IRF5: variants seen among roughly 807,000 people sequenced by gnomAD.
The protein encoded by IRF5 is interferon regulatory factor 5.
A neutral mutation model predicts 55.1 loss-of-function variants in IRF5; 24 were observed. The observed-to-expected ratio is 0.44, with a 90% CI of 0.32 to 0.61. IRF5 has a LOEUF of 0.61. Among genes scored for constraint, IRF5 ranks in the 20% least tolerant of loss-of-function variants. The pLI, the probability that IRF5 is intolerant of heterozygous loss-of-function variation, is 0.07. For synonymous variants in IRF5, 258 were observed against 260.2 expected (o/e 0.99, Z 0.08); for missense variants, 499 against 658.5 (o/e 0.76, Z 2.65).
At chr7:128,937,455 GCA>G, upstream of IRF5, among the ~76,000 whole-genome samples, 1 of 152,196 alleles carries the variant, frequency 6.6e-6, no homozygotes, top group Non-Finnish European at 1.5e-5. Context: ...GATGAGAAAG[GCA>G]CAGAGTGACT....
At chr7:128,941,441 G>A (rs1342165120) in intron 1 of IRF5, 1 of 152,382 alleles carries the variant, frequency 6.6e-6, no homozygotes, top group Non-Finnish European at 1.5e-5. Context: ...TGAGTTGGTT[G>A]ATGGGATTTC....
In IRF5 at chr7:128,947,160, G is replaced by A; in HGVS notation, c.482-70G>A. 5 of 1,606,766 alleles carry A rather than the reference G, an allele frequency of 3.1e-6. No individual in the cohort carries two copies. The highest frequency in any genetic ancestry group is 3.4e-6 in the Non-Finnish European group (4 of 1,175,404). ...TGGGAGGCTAGGGTGGCCCAGGGCTGGGAGGAGGTGTGCCTGGGAGGCAGT... is the reference window on the plus strand; with the variant it reads ...TGGGAGGCTAGGGTGGCCCAGGGCTAGGAGGAGGTGTGCCTGGGAGGCAGT... On this transcript the variant is annotated intron_variant, in intron 5 of 8. Coordinates refer to ENST00000357234, the MANE Select transcript of IRF5 (RefSeq NM_001098629.3). This position sits in a 1 kb window ranked among gnomAD's most constrained non-coding sequence, Gnocchi z 6.5.
chr7:128,940,399 C>G (rs1795957294), intron 1 of IRF5: 1 of 152,324 alleles, frequency 6.6e-6, no homozygotes, highest in Admixed American at 6.5e-5. Context: ...TTGTGTGCCG[C>G]TGGTGACTGG....
chr7:128,947,821 C>T lies in IRF5; in HGVS notation c.880C>T (p.Gln294Ter). 1.9e-6 allele frequency: 3 copies of T among 1,613,880 alleles called. No individual in the cohort carries two copies. Among genetic ancestry groups the T allele is most frequent in the Non-Finnish European group, 2.5e-6 (3 of 1,179,950 alleles). The change falls in exon 7 of 9, where the codon CAG becomes TAG. Residue 294 changes from glutamine (Q) to a stop codon, truncating the protein, a stop_gained. Coordinates refer to ENST00000357234, the MANE Select transcript of IRF5 (RefSeq NM_001098629.3). LOFTEE classifies it high-confidence loss of function. The surrounding 1 kb of genome is among the most constrained non-coding windows in gnomAD (Gnocchi z 6.5). ...CCATGGCTGCCGGCTCTTCTACAGCCAGCTGGAGGCCACCCAGGAGCAGGT... is the reference window on the plus strand; with the variant it reads ...CCATGGCTGCCGGCTCTTCTACAGCTAGCTGGAGGCCACCCAGGAGCAGGT... Reference protein sequence around the residue: ...NPHGCRLFYSQLEATQEQVEL... With the variant: ...NPHGCRLFYS
Position 128,945,836 on chromosome 7 carries a change from C to T in IRF5, c.196-9C>T. 1.3e-6 allele frequency: 2 copies of T among 1,595,206 alleles called. No individual in the cohort carries two copies. Among genetic ancestry groups the T allele is most frequent in the Non-Finnish European group, 1.7e-6 (2 of 1,174,986 alleles). On this transcript the variant is annotated splice_polypyrimidine_tract_variant and intron_variant, in intron 2 of 8. Coordinates refer to ENST00000357234, the MANE Select transcript of IRF5 (RefSeq NM_001098629.3). ...GTTCTCTGTGGTCGGCTATTTCTTC[C>T]TGCCCCAGGCCTGGGCCAAGGAGAC...
Position 128,947,751 on chromosome 7 carries a change from T to G in IRF5, c.810T>G (p.Phe270Leu). ...CAGTGACCGACCTGGAGATCAAGTT[T>G]CAGTACCGGGGGCGGCCACCCCGGG... ...MLPLTDLEIK[F>L]QYRGRPPRAL... Residue 270 changes from phenylalanine (F) to leucine (L), a missense_variant, in exon 7 of 9, where the codon TTT becomes TTG. By Grantham distance (22) the Phe-to-Leu change is conservative. Transcript: ENST00000357234. This position sits in a 1 kb window ranked among gnomAD's most constrained non-coding sequence, Gnocchi z 6.5. 6.2e-7 allele frequency: 1 copy of G among 1,609,684 alleles called. No homozygotes were observed. Among genetic ancestry groups the G allele is most frequent in the Admixed American group, 1.7e-5 (1 of 59,852 alleles).
chr7:128,945,690 GA>G (rs1177975515), intron 2 of IRF5, among the ~76,000 whole-genome samples, 154 bp from the exon 3 acceptor site: 1 of 152,216 alleles, frequency 6.6e-6, no homozygotes, highest in Admixed American at 6.5e-5. Flanking sequence ...GACTGTGGCA[GA>G]CTCCCACGCT....
At chr7:128,938,411 C>T (rs945869348) in intron 1 of IRF5, among the ~76,000 whole-genome samples, 1 of 152,234 alleles carries the variant, frequency 6.6e-6, no homozygotes, top group Non-Finnish European at 1.5e-5. Context: ...TCCCCCTCGC[C>T]ATCGCCCAGA....
rs549489190 is a variant in IRF5 at position 128,946,370 on chromosome 7, C to T, written c.386-131C>T. ...ATCCTGGTGGCTGTGCCCTCCACCT[C>T]GCCCTGTGTTGGGGGCAGCTTTGGG... is the stretch of plus-strand genomic sequence containing the variant. On this transcript the variant is annotated intron_variant, in intron 3 of 8. Coordinates refer to ENST00000357234, the MANE Select transcript of IRF5 (RefSeq NM_001098629.3). The surrounding 1 kb of genome is among the most constrained non-coding windows in gnomAD (Gnocchi z 4.2). 1.2e-5 allele frequency: 13 copies of T among 1,118,302 alleles called. No homozygotes were observed. The highest frequency in any genetic ancestry group is 5.2e-5 in the East Asian group (2 of 38,588). The allele number at this position is 1,118,302 out of a possible 1,614,324, so 69.3% of individuals were successfully genotyped here.
At chr7:128,943,465 A>G (rs1234915508) in intron 2 of IRF5, among the ~76,000 whole-genome samples, 2 of 149,460 alleles carry the variant, frequency 1.3e-5, no homozygotes, top group African/African-American at 4.9e-5. Context: ...ACAACCTCCA[A>G]CTCAGCTCAA....
chr7:128,939,197 C>T (rs1230591994), intron 1 of IRF5, among the ~76,000 whole-genome samples: 2 of 152,102 alleles, frequency 1.3e-5, no homozygotes, highest in African/African-American at 2.4e-5. Context: ...GGCAAGACCT[C>T]CCCTTCCTGC....
In IRF5 at chr7:128,944,057, C is replaced by T. The variant is rs1345221792; in HGVS notation, c.195+1781C>T. Among the ~76,000 whole-genome samples, 3 of 152,168 alleles carry T rather than the reference C, an allele frequency of 2.0e-5. No individual in the cohort carries two copies. The East Asian group carries it at 5.8e-4, about 29-fold the overall frequency. ...TACCTCGCATAATAGTTTTTGCTTACATTTTAGTTTTTTTGCACATGTGTG... is the reference window on the plus strand; with the variant it reads ...TACCTCGCATAATAGTTTTTGCTTATATTTTAGTTTTTTTGCACATGTGTG... On this transcript the variant is annotated intron_variant, in intron 2 of 8. Coordinates refer to ENST00000357234, the MANE Select transcript of IRF5 (RefSeq NM_001098629.3).
At chr7:128,945,014 C>G (rs1373126236) in intron 2 of IRF5, among the ~76,000 whole-genome samples, 1 of 152,080 alleles carries the variant, frequency 6.6e-6, no homozygotes, top group Non-Finnish European at 1.5e-5. Flanking sequence ...TGTTGGTAAC[C>G]CTCACCTCAC....
In IRF5 at chr7:128,942,119, G is replaced by A. The variant is rs367931039; in HGVS notation, c.38G>A (p.Arg13His). The change falls in exon 2 of 9, where the codon CGC becomes CAC. Residue 13 changes from arginine (R) to histidine (H), a missense_variant. This residue lies in a region of IRF5 where 305 missense variants were observed against 340.2 expected (regional missense o/e 0.90). Transcript: ENST00000357234. The part of the protein sequence containing the change: ...QSIPVAPTPP[R>H]RVRLKPWLVA... ...ATCCCAGTGGCTCCCACCCCACCCC[G>A]CCGCGTGCGGCTGAAGCCCTGGCTG... 1.3e-5 allele frequency: 21 copies of A among 1,611,696 alleles called. No individual in the cohort carries two copies. In the Admixed American group the frequency reaches 2.3e-4, roughly 18 times the overall value.
chr7:128,939,078 T>G (rs1411916897), intron 1 of IRF5, among the ~76,000 whole-genome samples: 1 of 149,766 alleles, frequency 6.7e-6, no homozygotes, highest in African/African-American at 2.5e-5. Flanking sequence ...GGCGGAGGAC[T>G]GGGCTGGGCC....
In IRF5 at chr7:128,943,023, A is replaced by ATTTTTTTTTTTTT. The variant is rs34539872; in HGVS notation, c.195+763_195+775dup. ...GCCTCACACTGTTGACCAGATTCCAATTTTTTTTTTTTTTTTTTTTTTTTT... is the reference window on the plus strand; with the variant it reads ...GCCTCACACTGTTGACCAGATTCCAATTTTTTTTTTTTTTTTTTTTTTTTTTTTTTTTTTTTTT... On this transcript the variant is annotated intron_variant, in intron 2 of 8. Transcript: ENST00000357234. The ATTTTTTTTTTTTT allele has an allele frequency of 8.1e-5, 7 of 86,912 alleles. 2 individuals carry two copies. The highest frequency in any genetic ancestry group is 3.8e-4 in the African/African-American group (7 of 18,348). 5.4% of individuals were successfully genotyped at this position (86,912 alleles called of 1,614,324 possible). A position where few individuals can be genotyped will look rare whatever the true frequency, so the allele number is the denominator to read the frequency against.
Position 128,947,433 on chromosome 7 carries a change from C to A in IRF5, c.685C>A (p.Leu229Ile), listed in dbSNP as rs754018091. The change falls in exon 6 of 9, where the codon CTT becomes ATT. Residue 229 changes from leucine (L) to isoleucine (I), a missense_variant. By Grantham distance (5) the Leu-to-Ile change is conservative (BLOSUM62 2). Around this residue, in one of 2 missense-constraint regions of IRF5, gnomAD observed 305 missense variants for 340.2 expected, o/e 0.90. Transcript: ENST00000357234. The surrounding 1 kb of genome is among the most constrained non-coding windows in gnomAD (Gnocchi z 6.5). ...TGGCAACCCTGCTGGCTTCAGGGAG[C>A]TTCTCTCTGAGGTCCTGGAGCCTGG... ...PPGNPAGFRE[L>I]LSEVLEPGPL... 6.2e-7 allele frequency: 1 copy of A among 1,611,776 alleles called. No homozygotes were observed. Among genetic ancestry groups the A allele is most frequent in the Non-Finnish European group, 8.5e-7 (1 of 1,179,464 alleles).
In IRF5 at chr7:128,946,707, G is replaced by A. The variant is rs147056794; in HGVS notation, c.447+145G>A. ...TGTTTCTTCTCCTGGGATTCTGAAC[G>A]ATAGGAGCACAGTCCCCACCTGCTC... On this transcript the variant is annotated intron_variant, in intron 4 of 8. Transcript: ENST00000357234. The surrounding 1 kb of genome is among the most constrained non-coding windows in gnomAD (Gnocchi z 4.2). 162 of 667,940 alleles carry A rather than the reference G, an allele frequency of 2.4e-4. 1 individual carries two copies. The East Asian group carries it at 4.4e-3, about 18-fold the overall frequency. The allele number at this position is 667,940 out of a possible 1,614,324, so 41.4% of individuals were successfully genotyped here. A position where few individuals can be genotyped will look rare whatever the true frequency, so the allele number is the denominator to read the frequency against.
upstream of IRF5, chr7:128,937,860 C>CGCGGG (rs77571059): frequency 0.37 from 55,253 of 149,568 alleles, 11,068 homozygotes; most frequent in Middle Eastern, 0.49. Flanking sequence ...GGAGTGGATT[C>CGCGGG]GCGGGGCGGG....
Sources: allele counts gnomAD v4.1 joint callset (sites outside exome capture counted in the v4.1 genomes callset), GRCh38; gene constraint gnomAD v4.1.1; regional missense constraint gnomAD v4.1.1; non-coding constraint Gnocchi (gnomAD v3.1); transcripts MANE v1.5; gene names NCBI Gene and HGNC (gene_info 2026-07-23, HGNC 2026-07-21).